Variants in DGKH observed in about 807,000 individuals in gnomAD.
DGKH encodes the protein DAG kinase eta.
Under a neutral mutation model 159.3 loss-of-function variants are expected in DGKH, and 90 were observed. The ratio of observed to expected loss-of-function variants is 0.57; its 90% confidence interval spans 0.48 to 0.67. The LOEUF (loss-of-function observed/expected upper bound fraction) is 0.67. Ranked by LOEUF, DGKH falls within the 30% of genes least tolerant of loss-of-function variation. DGKH has a pLI of 0.00. For missense variants in DGKH, 1,181 were observed against 1,506.1 expected (o/e 0.78, Z 3.57); for synonymous variants, 536 against 553.8 (o/e 0.97, Z 0.45).
At chr13:42,244,859 C>G (rs576083077), downstream of DGKH, among the ~76,000 whole-genome samples, 14 of 133,764 alleles carry the variant, frequency 1.0e-4, no homozygotes, top group African/African-American at 1.7e-4. Context: ...AGCCGAGATC[C>G]CGCCACTGCA....
intron 29 of DGKH, among the ~76,000 whole-genome samples, chr13:42,226,779 C>T (rs1958143698): frequency 6.6e-6 from 1 of 151,656 alleles, no homozygotes; most frequent in Non-Finnish European, 1.5e-5. Flanking sequence ...ATCGTTTGAA[C>T]CTGGGAAGCA....
At position 42,209,425 on chromosome 13, in the gene DGKH, T is replaced by C; in HGVS notation, c.2810T>C (p.Ile937Thr). Residue 937 changes from isoleucine to threonine, a missense_variant, in exon 23 of 30, where the codon ATT (isoleucine) becomes ACT (threonine). Ile to Thr is a moderately conservative substitution (Grantham distance 89, BLOSUM62 -1). Transcript: ENST00000337343. ...AWVQPPGIIKIVHKNRAQMLT... is the reference protein window; with the variant it reads ...AWVQPPGIIKTVHKNRAQMLT... The stretch of plus-strand genomic sequence containing the variant: ...GTTCAGCCTCCAGGGATTATCAAAA[T>C]TGTGCACAAAAACAGAGCACAAATG... 6.2e-7 allele frequency: 1 copy of C among 1,613,280 alleles called. No homozygotes were observed. Among genetic ancestry groups the C allele is most frequent in the South Asian group, 1.1e-5 (1 of 90,922 alleles).
intron 3 of DGKH, among the ~76,000 whole-genome samples, chr13:42,141,226 A>T (rs1955550405): frequency 6.6e-6 from 1 of 151,762 alleles, no homozygotes; most frequent in Non-Finnish European, 1.5e-5. Context: ...TACAAAGGAC[A>T]TGAACTCATC....
chr13:42,053,994 T>C (rs543809118), intron 1 of DGKH, among the ~76,000 whole-genome samples: 1 of 152,204 alleles, frequency 6.6e-6, no homozygotes, highest in Non-Finnish European at 1.5e-5. Flanking sequence ...TAATTTAATA[T>C]GAAGGATGTA....
In DGKH at chr13:42,219,867, C is replaced by T. The variant is rs1237150072; in HGVS notation, c.3442+73C>T. ...CTGATTAAAGTGACATCATGGAGGT[C>T]GTGAAAATGTTCTGGAGCTAGATGG... On this transcript the variant is annotated intron_variant, in intron 28 of 29. Transcript: ENST00000337343. 7.1e-6 allele frequency: 10 copies of T among 1,399,734 alleles called. No homozygotes were observed. The African/African-American group carries it at 8.6e-5, about 12-fold the overall frequency. The allele number at this position is 1,399,734 out of a possible 1,614,324, so 86.7% of individuals were successfully genotyped here. A position where few individuals can be genotyped will look rare whatever the true frequency, so the allele number is the denominator to read the frequency against.
chr13:42,206,987 C>CTTTCTTTCTT (rs1957494272), intron 21 of DGKH, among the ~76,000 whole-genome samples: 1 of 128,846 alleles, frequency 7.8e-6, no homozygotes, highest in Non-Finnish European at 1.6e-5. Context: ...TTCTTTCTTT[C>CTTTCTTTCTT]TTTCTTTCTT....
At position 42,239,277 on chromosome 13, in the gene DGKH, C is replaced by T. The variant is rs942999530; in HGVS notation, c.*10089C>T. On this transcript the variant is annotated 3_prime_UTR_variant, in exon 30 of 30. Coordinates refer to ENST00000337343, the MANE Select transcript of DGKH (RefSeq NM_178009.5). ...AGGATGAGAGAATTGCAAACTTGAACAGTTCTTTTGTTTTCTCTCCTTTTA... is the reference window on the plus strand; with the variant it reads ...AGGATGAGAGAATTGCAAACTTGAATAGTTCTTTTGTTTTCTCTCCTTTTA... 3 of 152,292 alleles carry T rather than the reference C, an allele frequency of 2.0e-5. No individual in the cohort carries two copies. The highest frequency in any genetic ancestry group is 6.6e-5 in the Admixed American group (1 of 15,260). The allele number at this position is 152,292 out of a possible 1,614,324, so 9.4% of individuals were successfully genotyped here.
At chr13:42,091,657 A>G (rs1038010047) in intron 1 of DGKH, among the ~76,000 whole-genome samples, 3 of 152,234 alleles carry the variant, frequency 2.0e-5, no homozygotes, top group African/African-American at 7.2e-5. Flanking sequence ...ATGGGAGGAA[A>G]TATTTGCAAA....
chr13:42,225,143 GA>G (rs1434756292), intron 29 of DGKH: 12 of 689,174 alleles, frequency 1.7e-5, no homozygotes, highest in Non-Finnish European at 2.9e-5. Context: ...GGCTGGTCTT[GA>G]ACTCCTGGCC....
In DGKH at chr13:42,198,473, T is replaced by C. The variant is rs1957260532; in HGVS notation, c.2168-5T>C. 1 of 1,611,894 alleles carries C rather than the reference T, an allele frequency of 6.2e-7. No individual in the cohort carries two copies. Among genetic ancestry groups the C allele is most frequent in the South Asian group, 1.1e-5 (1 of 90,338 alleles). On this transcript the variant is annotated splice_polypyrimidine_tract_variant and splice_region_variant and intron_variant, in intron 17 of 29. Coordinates refer to ENST00000337343, the MANE Select transcript of DGKH (RefSeq NM_178009.5). Reference sequence around the variant, plus strand: ...GATCCCATATGTGTTTGCTTTTCTTTCCAGGTTTAAGAGCAGGACTGGCTG... The same window carrying C: ...GATCCCATATGTGTTTGCTTTTCTTCCCAGGTTTAAGAGCAGGACTGGCTG...
rs971684120 is a variant in DGKH, at chr13:42,230,922, A to T, written c.*1734A>T. On this transcript the variant is annotated 3_prime_UTR_variant, in exon 30 of 30. Coordinates refer to ENST00000337343, the MANE Select transcript of DGKH (RefSeq NM_178009.5). ...TTGTTTATAACTTGGGTATTTAACT[A>T]CTAGTAAAAATCACAAAATTTTAAT... 2.6e-5 allele frequency: 4 copies of T among 152,204 alleles called. No homozygotes were observed. The highest frequency in any genetic ancestry group is 9.6e-5 in the African/African-American group (4 of 41,452). 9.4% of individuals were successfully genotyped at this position (152,204 alleles called of 1,614,324 possible). A position where few individuals can be genotyped will look rare whatever the true frequency, so the allele number is the denominator to read the frequency against.
intron 1 of DGKH, among the ~76,000 whole-genome samples, chr13:42,098,480 C>CT (rs1215675167): frequency 7.0e-6 from 1 of 142,780 alleles, no homozygotes; most frequent in Non-Finnish European, 1.5e-5. Context: ...GAGCGAGACT[C>CT]TGTCTCAAAA....
At chr13:42,070,459 G>T (rs112087282) in intron 1 of DGKH, 16,691 of 1,289,198 alleles carry the variant, frequency 0.013, 146 homozygotes, top group Non-Finnish European at 0.016. Flanking sequence ...ACATGTCAAT[G>T]GCTTTAGTAT....
At chr13:42,065,017 T>G (rs1254992966) in intron 1 of DGKH, among the ~76,000 whole-genome samples, 1 of 152,188 alleles carries the variant, frequency 6.6e-6, no homozygotes, top group East Asian at 1.9e-4. Flanking sequence ...AAGGATATTC[T>G]GAGGATTAAG....
chr13:42,200,617 G>A (rs1028714997), intron 20 of DGKH, among the ~76,000 whole-genome samples: 1 of 152,056 alleles, frequency 6.6e-6, no homozygotes, highest in Admixed American at 6.5e-5. Flanking sequence ...CATACATATA[G>A]AAAATTATGA....
chr13:42,252,164 A>G (rs1958625049), intron 29 of DGKH, among the ~76,000 whole-genome samples: 1 of 151,978 alleles, frequency 6.6e-6, no homozygotes, highest in African/African-American at 2.4e-5. Flanking sequence ...GAATTTGTGT[A>G]AGAACAGAAT....
chr13:42,149,264 G>C (rs758205718), intron 3 of DGKH, among the ~76,000 whole-genome samples: 1 of 151,982 alleles, frequency 6.6e-6, no homozygotes, highest in Non-Finnish European at 1.5e-5. Flanking sequence ...CTTCTTCCCC[G>C]ACAAAGCATT....
rs535848289 is a variant in DGKH at position 42,241,139 on chromosome 13, T to G, written c.*11951T>G. 1 of 152,026 alleles carries G rather than the reference T, an allele frequency of 6.6e-6. No individual in the cohort carries two copies. Among genetic ancestry groups the G allele is most frequent in the African/African-American group, 2.4e-5 (1 of 41,374 alleles). 9.4% of individuals were successfully genotyped at this position (152,026 alleles called of 1,614,324 possible). A position where few individuals can be genotyped will look rare whatever the true frequency, so the allele number is the denominator to read the frequency against. On this transcript the variant is annotated 3_prime_UTR_variant, in exon 30 of 30. Coordinates refer to ENST00000337343, the MANE Select transcript of DGKH (RefSeq NM_178009.5). ...AAAAAAGAAAAAAAATCAAAATAAT[T>G]GTAATTAACTGAAATGCCCTGTTCC...
chr13:42,065,242 A>G (rs1366236779), intron 1 of DGKH, among the ~76,000 whole-genome samples: 1 of 152,180 alleles, frequency 6.6e-6, no homozygotes, highest in African/African-American at 2.4e-5. Flanking sequence ...ACTGTTTGTA[A>G]ACCTTTTTGT....
Sources: allele counts gnomAD v4.1 joint callset (sites outside exome capture counted in the v4.1 genomes callset), GRCh38; gene constraint gnomAD v4.1.1; transcripts MANE v1.5; gene names NCBI Gene and HGNC (gene_info 2026-07-23, HGNC 2026-07-21).